KIAA0513: variants seen among roughly 807,000 people sequenced by gnomAD.
KIAA0513 encodes uncharacterized protein KIAA0513.
KIAA0513 carries 39 observed loss-of-function variants against 56.5 expected under a neutral mutation model. That is an observed-to-expected ratio of 0.69 (90% CI 0.53 to 0.90). KIAA0513 has a LOEUF of 0.90. Among genes scored for constraint, KIAA0513 ranks in the 40% least tolerant of loss-of-function variants. The probability of loss-of-function intolerance (pLI) is 0.00; values close to 1 mark genes in which losing one functional copy is unlikely to be tolerated. For synonymous variants in KIAA0513, 268 were observed against 215.6 expected (o/e 1.24, Z -2.13); for missense variants, 591 against 535.2 (o/e 1.10, Z -1.03).
intron 10 of KIAA0513, among the ~76,000 whole-genome samples, chr16:85,086,398 C>T (rs977147166): frequency 2.2e-4 from 33 of 152,370 alleles, no homozygotes; most frequent in Middle Eastern, 3.4e-3. Context: ...AGAGCACTTT[C>T]ATTTCCACGT....
rs560332386 is a variant in KIAA0513, at chr16:85,068,167, T to G, written c.329+767T>G. ...CTGAATTTTATCCACGCATTCTTTT[T>G]TTTTTTTGAGAAGGAGTCTCACACT... On this transcript the variant is annotated intron_variant, in intron 2 of 12. Transcript: ENST00000683363. Among the ~76,000 whole-genome samples, 3 of 146,440 alleles carry G rather than the reference T, an allele frequency of 2.0e-5. No individual in the cohort carries two copies. In the East Asian group the frequency reaches 6.2e-4, roughly 30 times the overall value.
intron 10 of KIAA0513, among the ~76,000 whole-genome samples, chr16:85,085,797 G>C (rs921833446): frequency 6.6e-6 from 1 of 152,212 alleles, no homozygotes; most frequent in Non-Finnish European, 1.5e-5. Context: ...CCCACTTCAG[G>C]CCTTGTGCGG....
chr16:85,061,259 C>G (rs976127371), intron 1 of KIAA0513, among the ~76,000 whole-genome samples: 5 of 152,188 alleles, frequency 3.3e-5, no homozygotes, highest in African/African-American at 9.6e-5. Flanking sequence ...CTATCACAAG[C>G]CTTAATAATG....
At chr16:85,071,692 T>C in intron 2 of KIAA0513, 91 bp from the exon 3 acceptor site, 2 of 1,058,734 alleles carry the variant, frequency 1.9e-6, no homozygotes, top group Middle Eastern at 3.0e-4. Context: ...GAATATTTCG[T>C]TAGTTCCTTC....
Position 85,078,910 on chromosome 16 carries a change from T to G in KIAA0513, c.824-15T>G. 6.2e-7 allele frequency: 1 copy of G among 1,613,972 alleles called. No individual in the cohort carries two copies. Among genetic ancestry groups the G allele is most frequent in the African/African-American group, 1.3e-5 (1 of 74,968 alleles). ...CAACCAGAGCTGCTTTCAGCCATTC[T>G]CTCTCCTCCCACAGTGACCGCGTAC... is the stretch of plus-strand genomic sequence containing the variant. On this transcript the variant is annotated splice_polypyrimidine_tract_variant and intron_variant, in intron 7 of 12. Transcript: ENST00000683363.
intron 1 of KIAA0513, among the ~76,000 whole-genome samples, chr16:85,057,429 G>A (rs1318811417): frequency 6.6e-6 from 1 of 152,196 alleles, no homozygotes; most frequent in African/African-American, 2.4e-5. Context: ...CCCAGTGGCT[G>A]GACTCTGCAA....
chr16:85,072,678 A>G (rs1179173050), intron 3 of KIAA0513, among the ~76,000 whole-genome samples: 1 of 152,196 alleles, frequency 6.6e-6, no homozygotes, highest in African/African-American at 2.4e-5. Flanking sequence ...CCTACTTTTA[A>G]AAATCTGGGA....
rs935780178 is a variant in KIAA0513, at chr16:85,076,606, G to A, written c.574+692G>A. On this transcript the variant is annotated intron_variant, in intron 5 of 12. Coordinates refer to ENST00000683363, the MANE Select transcript of KIAA0513 (RefSeq NM_001388359.1). The surrounding 1 kb of genome is among the most constrained non-coding windows in gnomAD (Gnocchi z 4.7). Reference sequence around the variant, plus strand: ...CCCGTGCTTTCCTCTCTCGGGACCCGCGTGCTCACTCTTGGGGTGTATGTA... The same window carrying A: ...CCCGTGCTTTCCTCTCTCGGGACCCACGTGCTCACTCTTGGGGTGTATGTA... Among the ~76,000 whole-genome samples the A allele has an allele frequency of 4.6e-5, 7 of 152,032 alleles. No individual in the cohort carries two copies. Among genetic ancestry groups the A allele is most frequent in the Non-Finnish European group, 2.9e-5 (2 of 67,984 alleles).
chr16:85,086,421 T>C (rs376998001), intron 10 of KIAA0513, among the ~76,000 whole-genome samples: 6 of 152,236 alleles, frequency 3.9e-5, no homozygotes, highest in Non-Finnish European at 7.3e-5. Flanking sequence ...CTTTATCTTA[T>C]GAAGAGTGAG....
chr16:85,085,071 G>A (rs1252785864), intron 10 of KIAA0513, among the ~76,000 whole-genome samples: 1 of 152,238 alleles, frequency 6.6e-6, no homozygotes, highest in Non-Finnish European at 1.5e-5. Context: ...GTTCCCGTGT[G>A]GTCTGGGGTT....
chr16:85,062,481 G>A (rs935862452), intron 1 of KIAA0513, among the ~76,000 whole-genome samples: 1 of 152,176 alleles, frequency 6.6e-6, no homozygotes, highest in Non-Finnish European at 1.5e-5. Flanking sequence ...CCGCAGGCCA[G>A]CATGTTCCTA....
intron 1 of KIAA0513, among the ~76,000 whole-genome samples, chr16:85,054,580 C>T (rs1189273810): frequency 1.3e-5 from 2 of 151,660 alleles, no homozygotes; most frequent in African/African-American, 2.4e-5. Context: ...CAGGTGTGCA[C>T]CACCACACCT....
chr16:85,037,622 G>T (rs1597589660), intron 1 of KIAA0513, among the ~76,000 whole-genome samples: 1 of 152,256 alleles, frequency 6.6e-6, no homozygotes, highest in South Asian at 2.1e-4. Context: ...AGTCTAATCC[G>T]CACTCTATTC....
chr16:85,036,217 G>T (rs1200848983), intron 1 of KIAA0513, among the ~76,000 whole-genome samples: 1 of 151,980 alleles, frequency 6.6e-6, no homozygotes, highest in African/African-American at 2.4e-5. Context: ...CATTTCAATT[G>T]TACAATTCAG....
chr16:85,073,440 G>T (rs1303619888), intron 4 of KIAA0513, among the ~76,000 whole-genome samples: 1 of 152,218 alleles, frequency 6.6e-6, no homozygotes, highest in East Asian at 1.9e-4. Context: ...GGCACTGCTG[G>T]GGCCTTTTAT....
At chr16:85,065,771 T>A (rs2073472200) in intron 1 of KIAA0513, among the ~76,000 whole-genome samples, 1 of 152,174 alleles carries the variant, frequency 6.6e-6, no homozygotes, top group South Asian at 2.1e-4. Context: ...GGAGGGCGTC[T>A]CCTTCCCGCC....
chr16:85,050,153 A>C (rs1466033230), intron 1 of KIAA0513, among the ~76,000 whole-genome samples: 1 of 151,174 alleles, frequency 6.6e-6, no homozygotes, highest in African/African-American at 2.4e-5. Flanking sequence ...GGTGCCTGAA[A>C]CTCAAGGGCC....
At position 85,027,877 on chromosome 16, in the gene KIAA0513, A is replaced by C. The variant is rs1438464894; in HGVS notation, c.-173+19A>C. The C allele has an allele frequency of 6.6e-6, 1 of 151,872 alleles. No individual in the cohort carries two copies. The highest frequency in any genetic ancestry group is 2.4e-5 in the African/African-American group (1 of 41,294). 9.4% of individuals were successfully genotyped at this position (151,872 alleles called of 1,614,324 possible). A position where few individuals can be genotyped will look rare whatever the true frequency, so the allele number is the denominator to read the frequency against. Reference sequence around the variant, plus strand: ...GTGAGAGGTGCGGTGGGGTGGCCTCAGGCCGGCCTGACAGGCTCATGAGGG... The same window carrying C: ...GTGAGAGGTGCGGTGGGGTGGCCTCCGGCCGGCCTGACAGGCTCATGAGGG... On this transcript the variant is annotated intron_variant, in intron 1 of 12. Transcript: ENST00000683363.
At chr16:85,086,852 G>GAA in intron 11 of KIAA0513, 128 bp downstream of exon 11, 1 of 918,396 alleles carries the variant, frequency 1.1e-6, no homozygotes, top group African/African-American at 1.7e-5. Context: ...ATCACACTTG[G>GAA]CCTCCATGCC....
Sources: allele counts gnomAD v4.1 joint callset (sites outside exome capture counted in the v4.1 genomes callset), GRCh38; gene constraint gnomAD v4.1.1; non-coding constraint Gnocchi (gnomAD v3.1); transcripts MANE v1.5; gene names NCBI Gene and HGNC (gene_info 2026-07-23, HGNC 2026-07-21).